Variants in GFI1B observed in about 807,000 individuals in gnomAD.
GFI1B encodes the protein zinc finger protein Gfi-1b.
GFI1B carries 20 observed loss-of-function variants against 35.3 expected under a neutral mutation model. That is an observed-to-expected ratio of 0.57 (90% CI 0.40 to 0.82). The LOEUF is 0.82. Ranked by LOEUF, GFI1B falls within the 40% of genes least tolerant of loss-of-function variation. GFI1B has a pLI of 0.00. For synonymous variants in GFI1B, 178 were observed against 177.6 expected, an observed-to-expected ratio of 1.00 and a Z score of -0.02; for missense variants, 430 against 446.3, an observed-to-expected ratio of 0.96 and a Z score of 0.33.
At position 132,986,734 on chromosome 9, in the gene GFI1B, G is replaced by T; in HGVS notation, c.56G>T (p.Arg19Leu). 6.2e-7 allele frequency: 1 copy of T among 1,613,098 alleles called. No individual in the cohort carries two copies. The highest frequency in any genetic ancestry group is 8.5e-7 in the Non-Finnish European group (1 of 1,179,602). The change falls in exon 2 of 7, where the codon CGT becomes CTT. Residue 19 changes from arginine (R) to leucine (L), a missense_variant. Arg to Leu is a moderately radical substitution (Grantham distance 102). Transcript: ENST00000372122. ...SKKAHTYHQP[R>L]VQEDEPLWPP... The stretch of plus-strand genomic sequence containing the variant: ...AAGGCTCACACCTACCACCAGCCCC[G>T]TGTGCAGGAAGATGAACCGCTCTGG...
chr9:132,962,698 T>G (rs1407115930), intron 1 of GFI1B: 3 of 449,392 alleles, frequency 6.7e-6, no homozygotes, highest in African/African-American at 6.0e-5. Context: ...ACACATATTA[T>G]GTTCTATCAA....
Position 132,988,191 on chromosome 9 carries a change from C to G in GFI1B, c.239-6C>G, listed in dbSNP as rs201307926. On this transcript the variant is annotated splice_region_variant and splice_polypyrimidine_tract_variant and intron_variant, in intron 3 of 6. Transcript: ENST00000372122. ...AGTAACCAGGCCTGTGTCGTTATCT[C>G]CACAGAGGGCCCCATTGTGCTGTCC... 6.2e-7 allele frequency: 1 copy of G among 1,613,046 alleles called. No homozygotes were observed. Among genetic ancestry groups the G allele is most frequent in the Non-Finnish European group, 8.5e-7 (1 of 1,179,120 alleles).
chr9:132,963,129 A>G (rs1347609161), intron 1 of GFI1B, among the ~76,000 whole-genome samples: 1 of 149,044 alleles, frequency 6.7e-6, no homozygotes, highest in Non-Finnish European at 1.5e-5. Context: ...CTCTTTGTTT[A>G]CATGTTGTAC....
At chr9:132,985,567 G>A (rs540442504) in intron 1 of GFI1B, among the ~76,000 whole-genome samples, 19 of 152,172 alleles carry the variant, frequency 1.2e-4, no homozygotes, top group African/African-American at 3.9e-4. Context: ...TCTGGGCCAG[G>A]GCTGTGGACA....
intron 1 of GFI1B, among the ~76,000 whole-genome samples, chr9:132,947,838 A>G (rs11243949): frequency 0.22 from 32,465 of 150,776 alleles, 3,669 homozygotes; most frequent in African/African-American, 0.23. Context: ...AAACTAAACT[A>G]AAGTGACATA....
intron 1 of GFI1B, among the ~76,000 whole-genome samples, chr9:132,967,594 G>A (rs1564526733): frequency 1.3e-5 from 2 of 152,150 alleles, no homozygotes; most frequent in African/African-American, 4.8e-5. Flanking sequence ...CTGGATATTC[G>A]ACAACATTTG....
intron 1 of GFI1B, among the ~76,000 whole-genome samples, chr9:132,982,676 T>C (rs1037559999): frequency 6.6e-6 from 1 of 152,068 alleles, no homozygotes; most frequent in Non-Finnish European, 1.5e-5. Flanking sequence ...AACTACAGTA[T>C]AGGTGATTGG....
chr9:132,963,966 ATGGGT>A (rs1030198869), intron 1 of GFI1B, among the ~76,000 whole-genome samples: 1 of 152,146 alleles, frequency 6.6e-6, no homozygotes, highest in Admixed American at 6.5e-5. Context: ...CAGGCTGGGC[ATGGGT>A]GGCTCACACC....
downstream of GFI1B, among the ~76,000 whole-genome samples, chr9:132,992,700 CT>C (rs1363043158): frequency 4.6e-5 from 7 of 152,174 alleles, no homozygotes; most frequent in African/African-American, 1.7e-4. Context: ...TCTCTCTCCT[CT>C]GATACCGAGC....
intron 1 of GFI1B, among the ~76,000 whole-genome samples, chr9:132,979,498 C>G (rs1486582650): frequency 6.6e-6 from 1 of 152,098 alleles, no homozygotes; most frequent in Admixed American, 6.5e-5. Context: ...CTCAGCCTCC[C>G]AAAGTGTTGG....
At chr9:132,990,270 T>TTCATTCATTTGCTCATTCATTTGTTCAC (rs1311594296) in intron 6 of GFI1B, among the ~76,000 whole-genome samples, 1 of 151,596 alleles carries the variant, frequency 6.6e-6, no homozygotes, top group East Asian at 1.9e-4. Context: ...TGTTCACTCA[T>TTCATTCATTTGCTCATTCATTTGTTCAC]TCATTCATTT....
At chr9:132,980,078 C>A (rs916826373) in intron 1 of GFI1B, among the ~76,000 whole-genome samples, 1 of 152,198 alleles carries the variant, frequency 6.6e-6, no homozygotes, top group Non-Finnish European at 1.5e-5. Context: ...ATGCGTAATT[C>A]CCCTTGCTCT....
At chr9:132,978,354 A>AC (rs1284299330), upstream of GFI1B, among the ~76,000 whole-genome samples, 1 of 152,088 alleles carries the variant, frequency 6.6e-6, no homozygotes, top group East Asian at 1.9e-4. Flanking sequence ...GAAGAAAAAA[A>AC]CCAAAGAGCA....
At chr9:132,979,441 G>A (rs539658969) in intron 1 of GFI1B, among the ~76,000 whole-genome samples, 18 of 152,096 alleles carry the variant, frequency 1.2e-4, no homozygotes, top group Admixed American at 2.6e-4. Flanking sequence ...GTTTCACCAT[G>A]TTGGCCAGGC....
intron 1 of GFI1B, among the ~76,000 whole-genome samples, chr9:132,961,434 A>AC (rs398113934): frequency 6.6e-6 from 1 of 151,110 alleles, no homozygotes; most frequent in Non-Finnish European, 1.5e-5. Flanking sequence ...AAAAAAAAAA[A>AC]CAACAGAAAA....
intron 1 of GFI1B, among the ~76,000 whole-genome samples, chr9:132,979,487 C>T (rs1404319412): frequency 6.6e-6 from 1 of 152,112 alleles, no homozygotes; most frequent in Non-Finnish European, 1.5e-5. Context: ...GATCCACCTG[C>T]CTCAGCCTCC....
At chr9:132,956,689 T>C (rs1235938916) in intron 1 of GFI1B, among the ~76,000 whole-genome samples, 3 of 152,250 alleles carry the variant, frequency 2.0e-5, no homozygotes, top group African/African-American at 7.2e-5. Flanking sequence ...TCTATTGCTG[T>C]GGAGCAATTA....
downstream of GFI1B, among the ~76,000 whole-genome samples, chr9:132,991,886 C>T (rs953845937): frequency 1.3e-5 from 2 of 152,152 alleles, no homozygotes; most frequent in South Asian, 2.1e-4. Context: ...GGGGCCCGTG[C>T]GACAAGACCA....
Position 132,986,754 on chromosome 9 carries a change from C to G in GFI1B, c.76C>G (p.Leu26Val). ...GCCCCGTGTGCAGGAAGATGAACCG[C>G]TCTGGCCTCCTGCCCTTACCCCGGG... is the stretch of plus-strand genomic sequence containing the variant. The part of the protein sequence containing the change: ...HQPRVQEDEP[L>V]WPPALTPVPR... Residue 26 changes from leucine to valine, a missense_variant, in exon 2 of 7, where the codon CTC (leucine) becomes GTC (valine). Transcript: ENST00000372122. The G allele has an allele frequency of 6.2e-7, 1 of 1,611,762 alleles. No individual in the cohort carries two copies. Among genetic ancestry groups the G allele is most frequent in the African/African-American group, 1.3e-5 (1 of 75,042 alleles).
Sources: allele counts gnomAD v4.1 joint callset (sites outside exome capture counted in the v4.1 genomes callset), GRCh38; gene constraint gnomAD v4.1.1; transcripts MANE v1.5; gene names NCBI Gene and HGNC (gene_info 2026-07-23, HGNC 2026-07-21).